Variants in PHLPP1 observed in about 807,000 individuals in gnomAD.
PHLPP1 encodes the protein PH domain and leucine rich repeat protein phosphatase 1.
Under a neutral mutation model 117.2 loss-of-function variants are expected in PHLPP1, and 42 were observed. The ratio of observed to expected loss-of-function variants is 0.36; its 90% confidence interval spans 0.28 to 0.46. The LOEUF (loss-of-function observed/expected upper bound fraction) is 0.46, where lower values mean the gene tolerates loss of function less well. Among genes scored for constraint, PHLPP1 ranks in the 20% least tolerant of loss-of-function variants. The pLI is 1.00. For missense variants in PHLPP1, 2,084 were observed against 2,241.9 expected (o/e 0.93, Z 1.42); for synonymous variants, 1,042 against 970.7 (o/e 1.07, Z -1.37).
rs755113768 is a variant in PHLPP1 at position 62,736,425 on chromosome 18, A to T, written c.1576+19166A>T. 1.5e-4 allele frequency among the ~76,000 whole-genome samples: 23 copies of T among 152,184 alleles called. 1 individual carries two copies. The highest frequency in any genetic ancestry group is 9.8e-4 in the Admixed American group (15 of 15,280). On this transcript the variant is annotated intron_variant, in intron 1 of 16. Coordinates refer to ENST00000262719, the MANE Select transcript of PHLPP1 (RefSeq NM_194449.4). Reference sequence around the variant, plus strand: ...CAGTGGGAGGGAGTAAAGGAGATTGATGTGGATATTATCCTGGGACTCAGT... The same window carrying T: ...CAGTGGGAGGGAGTAAAGGAGATTGTTGTGGATATTATCCTGGGACTCAGT...
intron 2 of PHLPP1, among the ~76,000 whole-genome samples, chr18:62,835,613 A>G (rs1178068990): frequency 6.6e-6 from 1 of 151,908 alleles, no homozygotes; most frequent in African/African-American, 2.4e-5. Flanking sequence ...GTTTGCTGAG[A>G]ATTTTTATTC....
At chr18:62,962,145 A>G (rs567737555) in intron 13 of PHLPP1, among the ~76,000 whole-genome samples, 2 of 152,172 alleles carry the variant, frequency 1.3e-5, no homozygotes, top group Non-Finnish European at 2.9e-5. Flanking sequence ...CTTAGTGGCA[A>G]TTTACAAGTA....
At chr18:62,794,371 CTTTTT>C (rs34983071) in intron 1 of PHLPP1, among the ~76,000 whole-genome samples, 1 of 142,192 alleles carries the variant, frequency 7.0e-6, no homozygotes, top group African/African-American at 2.6e-5. Flanking sequence ...TTAATTATTA[CTTTTT>C]TTTTTTTTTA....
intron 13 of PHLPP1, among the ~76,000 whole-genome samples, chr18:62,960,789 C>T (rs562056916): frequency 2.0e-5 from 3 of 152,294 alleles, no homozygotes; most frequent in Non-Finnish European, 2.9e-5. Context: ...CTTACTCAGA[C>T]CAAAGTTTCC....
chr18:62,822,212 A>G (rs1914479297), intron 1 of PHLPP1, among the ~76,000 whole-genome samples: 1 of 151,854 alleles, frequency 6.6e-6, no homozygotes, highest in Admixed American at 6.6e-5. Context: ...TTGGCAAGTT[A>G]GGAATAAAAG....
At chr18:62,926,160 A>G (rs1170705372) in intron 10 of PHLPP1, among the ~76,000 whole-genome samples, 1 of 152,206 alleles carries the variant, frequency 6.6e-6, no homozygotes, top group Non-Finnish European at 1.5e-5. Context: ...GAATCAGTCA[A>G]TGATGTTTAG....
chr18:62,918,240 A>G (rs1909359187), intron 9 of PHLPP1, among the ~76,000 whole-genome samples: 1 of 150,794 alleles, frequency 6.6e-6, no homozygotes, highest in Admixed American at 6.6e-5. Context: ...TTGACAAAAG[A>G]GAAATTATTA....
chr18:62,730,505 G>A (rs554696957), intron 1 of PHLPP1, among the ~76,000 whole-genome samples: 45 of 150,208 alleles, frequency 3.0e-4, no homozygotes, highest in Non-Finnish European at 5.0e-4. Flanking sequence ...GAGAGAGAGA[G>A]AAAAAAAAAG....
intron 1 of PHLPP1, among the ~76,000 whole-genome samples, chr18:62,735,603 C>CAAA (rs763353150): frequency 2.8e-5 from 4 of 140,540 alleles, no homozygotes; most frequent in African/African-American, 5.0e-5. Flanking sequence ...ACAACAACAA[C>CAAA]AAAACCAGTT....
chr18:62,889,928 T>G (rs1259321224), intron 4 of PHLPP1, among the ~76,000 whole-genome samples: 2 of 152,222 alleles, frequency 1.3e-5, no homozygotes, highest in African/African-American at 4.8e-5. Context: ...TTCAAGAACA[T>G]TTCCATTAGG....
At chr18:62,931,016 C>T (rs544777578) in intron 10 of PHLPP1, among the ~76,000 whole-genome samples, 24 of 151,916 alleles carry the variant, frequency 1.6e-4, no homozygotes, top group Non-Finnish European at 1.5e-4. Flanking sequence ...AGTGAAAGTC[C>T]CATCTCTACT....
intron 4 of PHLPP1, among the ~76,000 whole-genome samples, chr18:62,892,541 G>A (rs1015651916): frequency 6.6e-6 from 1 of 152,074 alleles, no homozygotes; most frequent in Non-Finnish European, 1.5e-5. Flanking sequence ...GTGTGCGGAA[G>A]AAAGTGGCAC....
intron 1 of PHLPP1, among the ~76,000 whole-genome samples, chr18:62,730,897 T>C (rs981335333): frequency 6.6e-6 from 1 of 151,680 alleles, no homozygotes; most frequent in African/African-American, 2.4e-5. Flanking sequence ...TGTCATGTGG[T>C]TTTATTATTT....
intron 10 of PHLPP1, 125 bp downstream of exon 10, chr18:62,920,239 A>T (rs1909422487): frequency 2.1e-6 from 2 of 969,286 alleles, no homozygotes; most frequent in African/African-American, 1.7e-5. Context: ...TTGTGAAGGA[A>T]ATAGTTTTGC....
intron 1 of PHLPP1, among the ~76,000 whole-genome samples, chr18:62,749,149 T>G (rs1309299922): frequency 6.6e-6 from 1 of 152,070 alleles, no homozygotes; most frequent in Non-Finnish European, 1.5e-5. Flanking sequence ...CTCCTGAAAT[T>G]TTACATAATT....
rs952421134 is a variant in PHLPP1 at position 62,735,943 on chromosome 18, T to TATA, written c.1576+18697_1576+18699dup. On this transcript the variant is annotated intron_variant, in intron 1 of 16. Transcript: ENST00000262719. ...TGCACATGTACCCTAAAACTTAAAG[T>TATA]ATAATAATAATAATACATAAAAAAT... Among the ~76,000 whole-genome samples, 218 of 151,532 alleles carry TATA rather than the reference T, an allele frequency of 1.4e-3. 2 individuals carry two copies. Among genetic ancestry groups the TATA allele is most frequent in the African/African-American group, 4.8e-3 (199 of 41,272 alleles).
chr18:62,724,738 T>C (rs1342872248), intron 1 of PHLPP1, among the ~76,000 whole-genome samples: 1 of 152,236 alleles, frequency 6.6e-6, no homozygotes, highest in Non-Finnish European at 1.5e-5. Flanking sequence ...CCTAGTTCTT[T>C]TCATTCTAAT....
intron 1 of PHLPP1, among the ~76,000 whole-genome samples, chr18:62,747,276 CTTTTTTTTTTTT>C (rs564178033): frequency 8.1e-6 from 1 of 123,210 alleles, no homozygotes; most frequent in Non-Finnish European, 1.7e-5. Flanking sequence ...TCTTCATTTC[CTTTTTTTTTTTT>C]TTTTTTTTTC....
chr18:62,729,788 A>C (rs531290972), intron 1 of PHLPP1, among the ~76,000 whole-genome samples: 1 of 152,372 alleles, frequency 6.6e-6, no homozygotes, highest in East Asian at 1.9e-4. Context: ...AATTTGAATA[A>C]GCAAGTGCAA....
Sources: allele counts gnomAD v4.1 joint callset (sites outside exome capture counted in the v4.1 genomes callset), GRCh38; gene constraint gnomAD v4.1.1; transcripts MANE v1.5; gene names NCBI Gene and HGNC (gene_info 2026-07-23, HGNC 2026-07-21).